Variants in RIMBP2 observed in about 807,000 individuals in gnomAD.
RIMBP2 encodes RIMS binding protein 2.
In RIMBP2, 48 loss-of-function variants were observed where a neutral mutation model predicts 118.6. That is an observed-to-expected ratio of 0.40 (90% CI 0.32 to 0.51). The LOEUF (loss-of-function observed/expected upper bound fraction) is 0.51, where lower values mean the gene tolerates loss of function less well. Among genes scored for constraint, RIMBP2 ranks in the 20% least tolerant of loss-of-function variants. The pLI is 0.41. For missense variants in RIMBP2, 1,551 were observed against 1,768.3 expected (o/e 0.88, Z 2.20); for synonymous variants, 762 against 742.9 (o/e 1.03, Z -0.42).
At position 130,434,833 on chromosome 12, in the gene RIMBP2, G is replaced by A. The variant is rs574899300; in HGVS notation, c.2154C>T (p.Tyr718=). 24 of 1,613,718 alleles carry A rather than the reference G, an allele frequency of 1.5e-5. No homozygotes were observed. Among genetic ancestry groups the A allele is most frequent in the East Asian group, 4.5e-5 (2 of 44,832 alleles). The change falls in exon 14 of 23, where the codon TAC becomes TAT. Residue 718 remains tyrosine (Y), a synonymous_variant. Coordinates refer to ENST00000690449, the MANE Select transcript of RIMBP2 (RefSeq NM_001393629.1). This position sits in a 1 kb window ranked among gnomAD's most constrained non-coding sequence, Gnocchi z 5.7. ...VFLERSSAGQ[Y]AASDEEDAYD... Reference sequence around the variant, plus strand: ...AGGCGTCCTCCTCGTCTGAGGCGGCGTACTGCCCCGCGCTGCTTCTCTCTA... The same window carrying A: ...AGGCGTCCTCCTCGTCTGAGGCGGCATACTGCCCCGCGCTGCTTCTCTCTA...
intron 2 of RIMBP2, among the ~76,000 whole-genome samples, chr12:130,577,463 G>C (rs935530637): frequency 2.6e-5 from 4 of 152,170 alleles, no homozygotes; most frequent in African/African-American, 4.8e-5. Context: ...AGGTCAAGGG[G>C]AAGCAAAGCA....
intron 4 of RIMBP2, among the ~76,000 whole-genome samples, chr12:130,480,750 A>G (rs1004034631): frequency 6.6e-6 from 1 of 151,966 alleles, no homozygotes; most frequent in East Asian, 1.9e-4. Context: ...ACAGGTGCCC[A>G]CCACCATGCT....
intron 2 of RIMBP2, among the ~76,000 whole-genome samples, chr12:130,613,539 G>A (rs569892514): frequency 9.9e-5 from 15 of 152,282 alleles, no homozygotes; most frequent in African/African-American, 2.4e-4. Flanking sequence ...AGTCTCGGCC[G>A]GGCACAGTGG....
Position 130,441,927 on chromosome 12 carries a change from G to T in RIMBP2, c.1425C>A (p.Pro475=). The change falls in exon 11 of 23, where the codon CCC becomes CCA. Residue 475 remains proline (P), a synonymous_variant. Coordinates refer to ENST00000690449, the MANE Select transcript of RIMBP2 (RefSeq NM_001393629.1). The part of the protein sequence containing the change: ...MAYKVKVLAK[P]HQMPWQLPLE... ...GCGGGAGCTGCCACGGCATCTGGTG[G>T]GGTTTGGCCAGAACCTTCACCTTAT... is the stretch of plus-strand genomic sequence containing the variant. The T allele has an allele frequency of 6.2e-7, 1 of 1,613,986 alleles. No homozygotes were observed. The highest frequency in any genetic ancestry group is 1.1e-5 in the South Asian group (1 of 91,088).
Position 130,424,686 on chromosome 12 carries a change from C to A in RIMBP2, c.2585G>T (p.Gly862Val). The A allele has an allele frequency of 8.1e-7, 1 of 1,232,066 alleles. No homozygotes were observed. Among genetic ancestry groups the A allele is most frequent in the Non-Finnish European group, 1.0e-6 (1 of 987,948 alleles). 76.3% of individuals were successfully genotyped at this position (1,232,066 alleles called of 1,614,324 possible). ...GCCGGGCCTGGGCTCTCTGGCCAGC[C>A]CCGTCCTGGCCCTGGGGGACGGCCC... The part of the protein sequence containing the change: ...GAGPSPRART[G>V]LAREPRPGRP... The change falls in exon 16 of 23, where the codon GGG (glycine) becomes GTG (valine). Residue 862 changes from glycine (G) to valine (V), a missense_variant. Gly to Val is a moderately radical substitution (Grantham distance 109). Transcript: ENST00000690449. The surrounding 1 kb of genome is among the most constrained non-coding windows in gnomAD (Gnocchi z 9.8).
In RIMBP2 at chr12:130,447,927, T is replaced by C. The variant is rs1279319529; in HGVS notation, c.581+2273A>G. ...CGGTTTGCAGAAATGTCTAAGCAGG[T>C]TGCTGAATAATGACAGCAAGAGGAG... is the stretch of plus-strand genomic sequence containing the variant. On this transcript the variant is annotated intron_variant, in intron 9 of 22. Transcript: ENST00000690449. This position sits in a 1 kb window ranked among gnomAD's most constrained non-coding sequence, Gnocchi z 4.4. Among the ~76,000 whole-genome samples the C allele has an allele frequency of 1.3e-5, 2 of 151,932 alleles. No individual in the cohort carries two copies. Among genetic ancestry groups the C allele is most frequent in the African/African-American group, 2.4e-5 (1 of 41,310 alleles).
chr12:130,443,875 T>C (rs2078324371), intron 10 of RIMBP2, among the ~76,000 whole-genome samples: 1 of 152,206 alleles, frequency 6.6e-6, no homozygotes, highest in Non-Finnish European at 1.5e-5. Flanking sequence ...TGCTAAGCTC[T>C]ATCCGAAGAC....
chr12:130,425,148 C>G (rs2076699015), intron 15 of RIMBP2: 1 of 306,794 alleles, frequency 3.3e-6, no homozygotes, highest in South Asian at 1.6e-4. Context: ...AGGTGAGATC[C>G]CGGCGGCACA....
intron 1 of RIMBP2, among the ~76,000 whole-genome samples, chr12:130,650,816 T>G (rs2063198763): frequency 6.6e-6 from 1 of 152,014 alleles, no homozygotes; most frequent in Non-Finnish European, 1.5e-5. Flanking sequence ...AACAAGCAAT[T>G]GCTTTTATAA....
chr12:130,608,326 C>G (rs1344659911), intron 2 of RIMBP2, among the ~76,000 whole-genome samples: 1 of 152,244 alleles, frequency 6.6e-6, no homozygotes, highest in South Asian at 2.1e-4. Flanking sequence ...CACAGGGGGT[C>G]GCAGACAGCA....
chr12:130,403,015 C>A (rs2074790857), intron 21 of RIMBP2, among the ~76,000 whole-genome samples: 1 of 152,168 alleles, frequency 6.6e-6, no homozygotes, highest in East Asian at 1.9e-4. Context: ...CAGCAGGAGT[C>A]CCTCGGGGGT....
At chr12:130,439,236 A>ATATG (rs903620469) in intron 11 of RIMBP2, among the ~76,000 whole-genome samples, 1 of 151,502 alleles carries the variant, frequency 6.6e-6, no homozygotes, top group African/African-American at 2.4e-5. Context: ...GTGTAGATGT[A>ATATG]TATGTATGTA....
intron 5 of RIMBP2, 112 bp from the exon 6 acceptor site, chr12:130,470,855 A>T: frequency 2.6e-5 from 13 of 496,988 alleles, no homozygotes; most frequent in Non-Finnish European, 3.8e-5. Flanking sequence ...TATTCCTCTA[A>T]TAGAGGAATT....
intron 2 of RIMBP2, among the ~76,000 whole-genome samples, chr12:130,603,857 C>T (rs956262881): frequency 5.9e-5 from 9 of 152,194 alleles, no homozygotes; most frequent in African/African-American, 2.2e-4. Context: ...ATGCTTGATA[C>T]GTGATAATAA....
At chr12:130,614,449 C>T (rs1342967388) in intron 2 of RIMBP2, among the ~76,000 whole-genome samples, 3 of 152,136 alleles carry the variant, frequency 2.0e-5, no homozygotes, top group African/African-American at 7.2e-5. Context: ...ACAGACAGCG[C>T]TGGGGTATAA....
intron 1 of RIMBP2, among the ~76,000 whole-genome samples, chr12:130,664,403 G>GCACA (rs1555320851): frequency 1.6e-4 from 10 of 61,736 alleles, no homozygotes; most frequent in African/African-American, 4.6e-4. Context: ...ACACACGCAC[G>GCACA]CACGCACGCA....
chr12:130,413,049 T>G (rs1289591732), intron 18 of RIMBP2, among the ~76,000 whole-genome samples: 1 of 152,072 alleles, frequency 6.6e-6, no homozygotes, highest in Non-Finnish European at 1.5e-5. Flanking sequence ...GGGTGTTTGC[T>G]TGGATGAATG....
At chr12:130,497,225 C>A (rs574594731) in intron 4 of RIMBP2, among the ~76,000 whole-genome samples, 2 of 152,320 alleles carry the variant, frequency 1.3e-5, no homozygotes, top group South Asian at 2.1e-4. Flanking sequence ...CCAAATTAGG[C>A]CCCGCGCCCC....
At chr12:130,685,973 TC>T (rs1406784692) in intron 1 of RIMBP2, among the ~76,000 whole-genome samples, 4 of 151,778 alleles carry the variant, frequency 2.6e-5, no homozygotes, top group African/African-American at 9.7e-5. Flanking sequence ...GCCCCCAGCA[TC>T]CCCCCGGGGA....
Sources: gnomAD v4.1 joint callset for allele counts (sites outside exome capture counted in the v4.1 genomes callset) on GRCh38, gnomAD v4.1.1 for gene constraint, Gnocchi (gnomAD v3.1) non-coding constraint, MANE v1.5 for transcripts, NCBI Gene and HGNC (gene_info 2026-07-23, HGNC 2026-07-21) for gene names.